KCNV2: variants seen among roughly 807,000 people sequenced by gnomAD.
KCNV2 encodes the protein potassium voltage-gated channel subfamily V member 2.
In KCNV2, 65 loss-of-function variants were observed where a neutral mutation model predicts 37.0. The observed-to-expected ratio is 1.76, with a 90% confidence interval of 1.44 to 2.16. KCNV2 has a LOEUF of 2.16. Among genes scored for constraint, KCNV2 ranks in the 30% most tolerant of loss-of-function variants. The probability of loss-of-function intolerance (pLI) is 0.00; values close to 1 mark genes in which losing one functional copy is unlikely to be tolerated. For missense variants in KCNV2, 1,232 were observed against 766.7 expected, an observed-to-expected ratio of 1.61 and a Z score of -7.17; for synonymous variants, 518 against 328.6, an observed-to-expected ratio of 1.58 and a Z score of -6.23.
chr9:2,717,895 C>A lies in KCNV2; in HGVS notation c.156C>A (p.Asn52Lys). Reference protein sequence around the residue: ...SIHGWTEGNYNYYIEEDEDGE... With the variant: ...SIHGWTEGNYKYYIEEDEDGE... Reference sequence around the variant, plus strand: ...ACGGCTGGACAGAGGGCAACTATAACTACTACATCGAGGAAGACGAAGACG... The same window carrying A: ...ACGGCTGGACAGAGGGCAACTATAAATACTACATCGAGGAAGACGAAGACG... Residue 52 changes from asparagine (N) to lysine (K), a missense_variant, in exon 1 of 2, where the codon AAC becomes AAA. Asn to Lys is a moderately conservative substitution (Grantham distance 94). Transcript: ENST00000382082. The A allele has an allele frequency of 6.2e-7, 1 of 1,614,204 alleles. No homozygotes were observed. Among genetic ancestry groups the A allele is most frequent in the Non-Finnish European group, 8.5e-7 (1 of 1,180,032 alleles).
At chr9:2,722,020 TATAA>T (rs1563797586) in intron 1 of KCNV2, among the ~76,000 whole-genome samples, 1 of 147,706 alleles carries the variant, frequency 6.8e-6, no homozygotes, top group South Asian at 2.1e-4. Context: ...TGTATTTATT[TATAA>T]ATAAATTAGA....
chr9:2,727,491 T>C (rs1819988434), intron 1 of KCNV2, among the ~76,000 whole-genome samples: 1 of 152,176 alleles, frequency 6.6e-6, no homozygotes, highest in South Asian at 2.1e-4. Context: ...AATCTCACTT[T>C]ATCACTGCCT....
chr9:2,721,158 T>G (rs773053240), intron 1 of KCNV2, among the ~76,000 whole-genome samples: 6 of 152,224 alleles, frequency 3.9e-5, no homozygotes, highest in African/African-American at 7.2e-5. Flanking sequence ...ACTATTTTCA[T>G]AGGCCCAATT....
In KCNV2 at chr9:2,718,798, G is replaced by C; in HGVS notation, c.1059G>C (p.Glu353Asp). Reference protein sequence around the residue: ...ILPLYLQLLLECFTGEGHQRG... With the variant: ...ILPLYLQLLLDCFTGEGHQRG... ...CGCTCTACCTTCAGCTGCTGCTCGA[G>C]TGCTTCACGGGCGAGGGCCACCAAC... is the stretch of plus-strand genomic sequence containing the variant. Residue 353 changes from glutamate (E) to aspartate (D), a missense_variant, in exon 1 of 2, where the codon GAG becomes GAC. By Grantham distance (45) the Glu-to-Asp change is conservative. Coordinates refer to ENST00000382082, the MANE Select transcript of KCNV2 (RefSeq NM_133497.4). 1 of 1,610,658 alleles carries C rather than the reference G, an allele frequency of 6.2e-7. No individual in the cohort carries two copies. Among genetic ancestry groups the C allele is most frequent in the Non-Finnish European group, 8.5e-7 (1 of 1,179,910 alleles).
At position 2,718,408 on chromosome 9, in the gene KCNV2, G is replaced by C; in HGVS notation, c.669G>C (p.Gln223His). 2 of 1,603,116 alleles carry C rather than the reference G, an allele frequency of 1.2e-6. No homozygotes were observed. Among genetic ancestry groups the C allele is most frequent in the Non-Finnish European group, 1.7e-6 (2 of 1,175,900 alleles). Residue 223 changes from glutamine to histidine, a missense_variant, in exon 1 of 2, where the codon CAG becomes CAC. Coordinates refer to ENST00000382082, the MANE Select transcript of KCNV2 (RefSeq NM_133497.4). ...AGATCCAGCACGAGCTGCGCGCGCA[G>C]GCGCAGGTCGAGGAGGCGGAGGAAC... ...RLKIQHELRA[Q>H]AQVEEAEELF...
Position 2,729,854 on chromosome 9 carries a change from A to C in KCNV2, c.*127A>C, listed in dbSNP as rs1053149234. On this transcript the variant is annotated 3_prime_UTR_variant, in exon 2 of 2. Transcript: ENST00000382082. ...CATACACAAAGGCCATTTCGTTCAC[A>C]AAGTACTGCCTCTAGAAATACTCAT... 6 of 961,558 alleles carry C rather than the reference A, an allele frequency of 6.2e-6. No individual in the cohort carries two copies. Among genetic ancestry groups the C allele is most frequent in the South Asian group, 4.1e-5 (3 of 72,402 alleles). The allele number at this position is 961,558 out of a possible 1,614,324, so 59.6% of individuals were successfully genotyped here.
intron 1 of KCNV2, among the ~76,000 whole-genome samples, chr9:2,721,254 T>A (rs1819862451): frequency 6.6e-6 from 1 of 152,216 alleles, no homozygotes; most frequent in Admixed American, 6.5e-5. Context: ...TTTATACCAG[T>A]AAAATTCGTT....
At chr9:2,722,622 T>C (rs1020821785) in intron 1 of KCNV2, among the ~76,000 whole-genome samples, 1 of 147,742 alleles carries the variant, frequency 6.8e-6, no homozygotes, top group South Asian at 2.1e-4. Flanking sequence ...AGAAGTTATT[T>C]ATTTATAAAT....
rs1381499428 is a variant in KCNV2 at position 2,729,912 on chromosome 9, T to A, written c.*185T>A. The A allele has an allele frequency of 4.6e-6, 3 of 646,002 alleles. No individual in the cohort carries two copies. The highest frequency in any genetic ancestry group is 5.4e-6 in the Non-Finnish European group (2 of 369,932). The allele number at this position is 646,002 out of a possible 1,614,324, so 40.0% of individuals were successfully genotyped here. On this transcript the variant is annotated 3_prime_UTR_variant, in exon 2 of 2. Coordinates refer to ENST00000382082, the MANE Select transcript of KCNV2 (RefSeq NM_133497.4). ...CAAACTCAGAATGTCTCATAGTTGC[T>A]CTGTGTTGTGTGAAACATCTGACCT...
chr9:2,720,835 G>A (rs1357953628), intron 1 of KCNV2, among the ~76,000 whole-genome samples: 2 of 152,090 alleles, frequency 1.3e-5, no homozygotes, highest in Non-Finnish European at 1.5e-5. Flanking sequence ...AAACGGATAT[G>A]GCTAGAGAAA....
At chr9:2,728,773 G>T (rs1320067102) in intron 1 of KCNV2, among the ~76,000 whole-genome samples, 1 of 151,604 alleles carries the variant, frequency 6.6e-6, no homozygotes, top group African/African-American at 2.4e-5. Context: ...CAATGGAGGA[G>T]TTTCATGCCT....
At chr9:2,727,427 T>TTAAAA (rs1819987044) in intron 1 of KCNV2, among the ~76,000 whole-genome samples, 1 of 151,616 alleles carries the variant, frequency 6.6e-6, no homozygotes, top group African/African-American at 2.4e-5. Context: ...AGAACTTAAA[T>TTAAAA]AAAAAAAAGA....
At chr9:2,727,029 G>C (rs1045324483) in intron 1 of KCNV2, among the ~76,000 whole-genome samples, 5 of 152,042 alleles carry the variant, frequency 3.3e-5, no homozygotes, top group African/African-American at 1.2e-4. Context: ...AAGAGGTTGG[G>C]GACCGCTGTT....
At position 2,718,959 on chromosome 9, in the gene KCNV2, G is replaced by A. The variant is rs1819809120; in HGVS notation, c.1220G>A (p.Cys407Tyr). 2 of 1,610,590 alleles carry A rather than the reference G, an allele frequency of 1.2e-6. No individual in the cohort carries two copies. The highest frequency in any genetic ancestry group is 1.3e-5 in the African/African-American group (1 of 75,080). ...GCCTTCGGCTTCACGCTGCGCCAGT[G>A]CTACCAGCAGGTGGGCTGCCTGCTG... ...LRAFGFTLRQ[C>Y]YQQVGCLLLF... Residue 407 changes from cysteine (C) to tyrosine (Y), a missense_variant, in exon 1 of 2, where the codon TGC becomes TAC. By Grantham distance (194) the Cys-to-Tyr change is radical. Coordinates refer to ENST00000382082, the MANE Select transcript of KCNV2 (RefSeq NM_133497.4).
chr9:2,718,750 G>T lies in KCNV2; in HGVS notation c.1011G>T (p.Leu337=). Residue 337 remains leucine, a synonymous_variant, in exon 1 of 2, where the codon CTG becomes CTT. Coordinates refer to ENST00000382082, the MANE Select transcript of KCNV2 (RefSeq NM_133497.4). ...GCTTCGCGCGCAGCGCCCTCAACCTGGTGGACCTGGTGGCCATCCTGCCGC... is the reference window on the plus strand; with the variant it reads ...GCTTCGCGCGCAGCGCCCTCAACCTTGTGGACCTGGTGGCCATCCTGCCGC... ...LRRFARSALN[L]VDLVAILPLY... 2 of 1,611,610 alleles carry T rather than the reference G, an allele frequency of 1.2e-6. No individual in the cohort carries two copies. The highest frequency in any genetic ancestry group is 8.5e-7 in the Non-Finnish European group (1 of 1,179,788).
intron 1 of KCNV2, among the ~76,000 whole-genome samples, chr9:2,721,896 A>C (rs7866633): frequency 0.053 from 8,062 of 152,110 alleles, 733 homozygotes; most frequent in African/African-American, 0.18. Flanking sequence ...GACTCAACAG[A>C]TATGACAATC....
At position 2,729,514 on chromosome 9, in the gene KCNV2, C is replaced by A. The variant is rs1253896643; in HGVS notation, c.1425C>A (p.Phe475Leu). The A allele has an allele frequency of 3.7e-6, 6 of 1,614,112 alleles. No homozygotes were observed. Among genetic ancestry groups the A allele is most frequent in the Non-Finnish European group, 5.1e-6 (6 of 1,180,012 alleles). Reference protein sequence around the residue: ...PETHLGRFFAFLCIAFGIILN... With the variant: ...PETHLGRFFALLCIAFGIILN... ...CCCACCTGGGCAGGTTTTTTGCCTT[C>A]CTCTGCATTGCTTTTGGGATCATTC... is the stretch of plus-strand genomic sequence containing the variant. The change falls in exon 2 of 2, where the codon TTC becomes TTA. Residue 475 changes from phenylalanine (F) to leucine (L), a missense_variant. By Grantham distance (22) the Phe-to-Leu change is conservative. Coordinates refer to ENST00000382082, the MANE Select transcript of KCNV2 (RefSeq NM_133497.4).
At position 2,717,570 on chromosome 9, in the gene KCNV2, T is replaced by C. The variant is rs1819751305; in HGVS notation, c.-170T>C. 2 of 786,100 alleles carry C rather than the reference T, an allele frequency of 2.5e-6. No individual in the cohort carries two copies. Among genetic ancestry groups the C allele is most frequent in the African/African-American group, 3.4e-5 (2 of 58,262 alleles). The allele number at this position is 786,100 out of a possible 1,614,324, so 48.7% of individuals were successfully genotyped here. A position where few individuals can be genotyped will look rare whatever the true frequency, so the allele number is the denominator to read the frequency against. On this transcript the variant is annotated 5_prime_UTR_variant, in exon 1 of 2. Coordinates refer to ENST00000382082, the MANE Select transcript of KCNV2 (RefSeq NM_133497.4). Reference sequence around the variant, plus strand: ...AGGCTGGGCTGGCCTGCCCAGGACCTGAGAAGGGGCAGCTCCGGTGGCAAT... The same window carrying C: ...AGGCTGGGCTGGCCTGCCCAGGACCCGAGAAGGGGCAGCTCCGGTGGCAAT...
intron 1 of KCNV2, among the ~76,000 whole-genome samples, chr9:2,722,590 G>C (rs1473233795): frequency 7.0e-6 from 1 of 143,792 alleles, no homozygotes; most frequent in Non-Finnish European, 1.5e-5. Flanking sequence ...TAAATTAGAA[G>C]TTATTTATTT....
Sources: gnomAD v4.1 joint callset for allele counts (sites outside exome capture counted in the v4.1 genomes callset) on GRCh38, gnomAD v4.1.1 for gene constraint, MANE v1.5 for transcripts, NCBI Gene and HGNC (gene_info 2026-07-23, HGNC 2026-07-21) for gene names.